Variants in CHN2 observed in about 807,000 individuals in gnomAD.
CHN2 encodes beta-chimaerin.
In CHN2, 35 loss-of-function variants were observed where a neutral mutation model predicts 56.3. The ratio of observed to expected loss-of-function variants is 0.62; its 90% CI spans 0.47 to 0.82. CHN2 has a LOEUF of 0.82. CHN2 is among the 40% of genes least tolerant of loss of function. The pLI is 0.00. For missense variants in CHN2, 491 were observed against 580.5 expected (o/e 0.85, Z 1.58); for synonymous variants, 210 against 212.8 (o/e 0.99, Z 0.12).
intron 6 of CHN2, among the ~76,000 whole-genome samples, chr7:29,447,878 T>G (rs1359804947): frequency 6.6e-6 from 1 of 152,210 alleles, no homozygotes; most frequent in Non-Finnish European, 1.5e-5. Context: ...GTAACAACCC[T>G]GGGTGCATAT....
rs556782246 is a variant in CHN2, at chr7:29,195,723, A to AT, written c.49+741dup. ...CTGTAATTTCACTAGCAAGGCATGC[A>AT]TTTTTTTTCCTTTTAAGAATGGTTG... On this transcript the variant is annotated intron_variant, in intron 1 of 12. Coordinates refer to ENST00000222792, the MANE Select transcript of CHN2 (RefSeq NM_004067.4). Among the ~76,000 whole-genome samples the AT allele has an allele frequency of 2.7e-3, 409 of 151,428 alleles. 6 individuals carry two copies. The highest frequency in any genetic ancestry group is 1.8e-3 in the East Asian group (9 of 5,134).
At chr7:29,378,694 G>A (rs541305963) in intron 3 of CHN2, among the ~76,000 whole-genome samples, 3 of 152,328 alleles carry the variant, frequency 2.0e-5, no homozygotes, top group East Asian at 1.9e-4. Context: ...GGCCACGCGC[G>A]GTGGCTCATG....
chr7:29,492,454 A>C (rs1788768944), intron 7 of CHN2, among the ~76,000 whole-genome samples: 1 of 152,096 alleles, frequency 6.6e-6, no homozygotes, highest in Non-Finnish European at 1.5e-5. Flanking sequence ...TCTTCTCCTT[A>C]AATATATATT....
At chr7:29,197,766 A>G (rs1783857040) in intron 1 of CHN2, among the ~76,000 whole-genome samples, 1 of 152,232 alleles carries the variant, frequency 6.6e-6, no homozygotes, top group Admixed American at 6.5e-5. Context: ...CCAGCAGCCG[A>G]GACAAACATG....
chr7:29,358,677 GATGGTC>G (rs1345381083), intron 2 of CHN2, among the ~76,000 whole-genome samples: 10 of 152,160 alleles, frequency 6.6e-5, no homozygotes, highest in Admixed American at 4.6e-4. Flanking sequence ...TGTTAGCCAG[GATGGTC>G]TCGATCTCCT....
Position 29,421,779 on chromosome 7 carries a change from G to A in CHN2, c.576+20951G>A, listed in dbSNP as rs145512956. On this transcript the variant is annotated intron_variant, in intron 6 of 12. Transcript: ENST00000222792. ...TAAGTCACACAGGAAGGTGCTGGCC[G>A]ATGGTTTGTATGAGAGCACCCCCAT... 3.0e-3 allele frequency among the ~76,000 whole-genome samples: 454 copies of A among 152,312 alleles called. 1 individual carries two copies. Among genetic ancestry groups the A allele is most frequent in the Non-Finnish European group, 4.9e-3 (330 of 68,026 alleles).
chr7:29,284,612 C>T (rs192928020), intron 1 of CHN2, among the ~76,000 whole-genome samples: 4 of 152,188 alleles, frequency 2.6e-5, no homozygotes, highest in East Asian at 3.9e-4. Flanking sequence ...TCAGTCTCAG[C>T]GAAGTGAATT....
chr7:29,341,421 CTG>C (rs1280739193), intron 1 of CHN2, among the ~76,000 whole-genome samples: 3 of 152,174 alleles, frequency 2.0e-5, no homozygotes, highest in African/African-American at 7.2e-5. Context: ...CGAGAAATGA[CTG>C]TGCTAGATCA....
Position 29,433,892 on chromosome 7 carries a change from A to C in CHN2, c.576+33064A>C, listed in dbSNP as rs61664081. 9.4e-3 allele frequency among the ~76,000 whole-genome samples: 1,421 copies of C among 151,032 alleles called. 32 individuals are homozygous for C. Among genetic ancestry groups the C allele is most frequent in the African/African-American group, 0.033 (1,364 of 41,078 alleles). On this transcript the variant is annotated intron_variant, in intron 6 of 12. Transcript: ENST00000222792. ...GGGGGAGGAAGGGAGGAAGGGAGGA[A>C]GGGATGAAGGGAAGAAAGGAAGGAG... is the stretch of plus-strand genomic sequence containing the variant.
intron 2 of CHN2, among the ~76,000 whole-genome samples, chr7:29,187,367 CAA>C (rs1562815907): frequency 4.0e-5 from 6 of 150,098 alleles, no homozygotes. Flanking sequence ...GTGTGTGTGA[CAA>C]AGAGAGAGAC....
intron 2 of CHN2, among the ~76,000 whole-genome samples, chr7:29,358,448 G>GATTT (rs146266551): frequency 0.21 from 32,116 of 151,272 alleles, 4,132 homozygotes; most frequent in Non-Finnish European, 0.28. Flanking sequence ...TTCTAATGAT[G>GATTT]ATTTATTTAT....
intron 1 of CHN2, among the ~76,000 whole-genome samples, chr7:29,283,482 T>C (rs560321401): frequency 6.6e-6 from 1 of 152,314 alleles, no homozygotes; most frequent in East Asian, 1.9e-4. Context: ...TTAGGTTACA[T>C]TATACAGCAA....
At chr7:29,230,448 C>T (rs893267187) in intron 1 of CHN2, among the ~76,000 whole-genome samples, 4 of 152,150 alleles carry the variant, frequency 2.6e-5, no homozygotes, top group African/African-American at 9.7e-5. Context: ...TCAAGTGATT[C>T]TCATGCCTCA....
intron 12 of CHN2, among the ~76,000 whole-genome samples, chr7:29,510,818 C>G (rs186542605): frequency 1.5e-3 from 225 of 152,326 alleles, no homozygotes; most frequent in African/African-American, 5.3e-3. Flanking sequence ...GCATGGATCG[C>G]TGAGGTCCAT....
intron 1 of CHN2, chr7:29,195,468 C>T (rs923759238): frequency 1.3e-5 from 2 of 159,412 alleles, no homozygotes; most frequent in Non-Finnish European, 2.7e-5. Context: ...GAAATTAGCT[C>T]TATGGAGACA....
In CHN2 at chr7:29,422,267, C is replaced by G. The variant is rs149076903; in HGVS notation, c.576+21439C>G. On this transcript the variant is annotated intron_variant, in intron 6 of 12. Coordinates refer to ENST00000222792, the MANE Select transcript of CHN2 (RefSeq NM_004067.4). ...GGTTGGGCGTGGAACCTCTTTCAGC[C>G]TGAGCTTTAAGCAGCCCTTTGAGTG... is the stretch of plus-strand genomic sequence containing the variant. 2.5e-3 allele frequency among the ~76,000 whole-genome samples: 374 copies of G among 152,206 alleles called. 1 individual carries two copies. The highest frequency in any genetic ancestry group is 3.7e-3 in the Non-Finnish European group (249 of 68,022).
At chr7:29,174,483 T>C (rs1321830746) in intron 2 of CHN2, among the ~76,000 whole-genome samples, 1 of 152,092 alleles carries the variant, frequency 6.6e-6, no homozygotes, top group African/African-American at 2.4e-5. Flanking sequence ...GCTCAGCTGA[T>C]TAGCCATGGG....
chr7:29,263,751 C>G (rs1584905809), intron 1 of CHN2, among the ~76,000 whole-genome samples: 1 of 151,438 alleles, frequency 6.6e-6, no homozygotes, highest in South Asian at 2.1e-4. Context: ...CGCCTCTGCC[C>G]CGCCGCCCCA....
At chr7:29,179,717 C>G (rs1797825714) in intron 2 of CHN2, among the ~76,000 whole-genome samples, 1 of 152,012 alleles carries the variant, frequency 6.6e-6, no homozygotes, top group South Asian at 2.1e-4. Flanking sequence ...TTACAAAATA[C>G]TTAATAGCTA....
Sources: allele counts gnomAD v4.1 joint callset (sites outside exome capture counted in the v4.1 genomes callset), GRCh38; gene constraint gnomAD v4.1.1; transcripts MANE v1.5; gene names NCBI Gene and HGNC (gene_info 2026-07-23, HGNC 2026-07-21).